EMC1: variants seen among roughly 807,000 people sequenced by gnomAD.
The protein encoded by EMC1 is KIAA0090.
Under a neutral mutation model 128.8 loss-of-function variants are expected in EMC1, and 103 were observed. The ratio of observed to expected loss-of-function variants is 0.80; its 90% CI spans 0.68 to 0.94. The LOEUF (loss-of-function observed/expected upper bound fraction) is 0.94. EMC1 is among the 40% of genes least tolerant of loss of function. The pLI is 0.00. For synonymous variants in EMC1, 442 were observed against 490.4 expected, an observed-to-expected ratio of 0.90 and a Z score of 1.30; for missense variants, 1,083 against 1,250.6, an observed-to-expected ratio of 0.87 and a Z score of 2.02.
chr1:19,229,604 G>A (rs1417578199), intron 17 of EMC1, among the ~76,000 whole-genome samples: 3 of 152,170 alleles, frequency 2.0e-5, no homozygotes. Flanking sequence ...TCAGAAGGAT[G>A]ATTTTATTTA....
intron 1 of EMC1, 75 bp downstream of exon 1, chr1:19,251,340 C>CGGT: frequency 7.3e-7 from 1 of 1,363,204 alleles, no homozygotes; most frequent in Non-Finnish European, 1.0e-6. Context: ...TGTTAAGTGA[C>CGGT]AACCTTTAGC....
In EMC1 at chr1:19,226,468, A is replaced by T. The variant is rs548792689; in HGVS notation, c.2202+845T>A. On this transcript the variant is annotated intron_variant, in intron 18 of 22. Coordinates refer to ENST00000477853, the MANE Select transcript of EMC1 (RefSeq NM_015047.3). ...CCTGTCAATATAAAAATAAAAAATTAAAAAAAAATTTTTTTTTGAAGACAG... is the reference window on the plus strand; with the variant it reads ...CCTGTCAATATAAAAATAAAAAATTTAAAAAAAATTTTTTTTTGAAGACAG... 3.3e-3 allele frequency among the ~76,000 whole-genome samples: 507 copies of T among 151,864 alleles called. 3 individuals carry two copies. The highest frequency in any genetic ancestry group is 0.013 in the South Asian group (63 of 4,808).
chr1:19,235,319 G>A, intron 12 of EMC1, 67 bp from the exon 13 acceptor site: 3 of 1,534,492 alleles, frequency 2.0e-6, no homozygotes, highest in Non-Finnish European at 2.6e-6. Flanking sequence ...TGTAATCCCA[G>A]CACTTTGGGA....
intron 13 of EMC1, among the ~76,000 whole-genome samples, chr1:19,234,762 C>G (rs1000123402): frequency 1.3e-5 from 2 of 152,068 alleles, no homozygotes; most frequent in African/African-American, 4.8e-5. Flanking sequence ...AGGAGAGCTG[C>G]TTGAACCTGG....
Position 19,239,849 on chromosome 1 carries a change from C to G in EMC1, c.923G>C (p.Gly308Ala). ...SHYALLQYHY[G>A]TLSLLKNFPQ... Reference sequence around the variant, plus strand: ...GAAGTTTTTAAGCAAACTCAGCGTTCCATAATGGTACTGCAGCAGAGCATA... The same window carrying G: ...GAAGTTTTTAAGCAAACTCAGCGTTGCATAATGGTACTGCAGCAGAGCATA... Residue 308 changes from glycine to alanine, a missense_variant, in exon 8 of 23, where the codon GGA becomes GCA. Transcript: ENST00000477853. 1 of 1,613,876 alleles carries G rather than the reference C, an allele frequency of 6.2e-7. No individual in the cohort carries two copies. Among genetic ancestry groups the G allele is most frequent in the Non-Finnish European group, 8.5e-7 (1 of 1,179,958 alleles).
At chr1:19,240,938 C>T in intron 6 of EMC1, 78 bp downstream of exon 6, 1 of 1,535,928 alleles carries the variant, frequency 6.5e-7, no homozygotes, top group South Asian at 1.2e-5. Context: ...GCCAAGTTCC[C>T]TGTTCCCCAG....
chr1:19,227,442 G>A lies in EMC1; in HGVS notation c.2073C>T (p.Thr691=). 6.2e-7 allele frequency: 1 copy of A among 1,614,186 alleles called. No individual in the cohort carries two copies. The highest frequency in any genetic ancestry group is 8.5e-7 in the Non-Finnish European group (1 of 1,180,032). The change falls in exon 18 of 23, where the codon ACC becomes ACT. Residue 691 remains threonine (T), a synonymous_variant. Coordinates refer to ENST00000477853, the MANE Select transcript of EMC1 (RefSeq NM_015047.3). ...LCGYRLRKDL[T]TELSWELTIP... ...TGGTCAGCTCCCAACTCAGCTCAGT[G>A]GTGAGATCCTAGGGCAGGGGCAAAA...
chr1:19,243,039 C>T (rs2093615322), intron 4 of EMC1, among the ~76,000 whole-genome samples: 1 of 152,126 alleles, frequency 6.6e-6, no homozygotes. Context: ...AGTTCGAGAC[C>T]AGCCTGGCCA....
At chr1:19,225,306 C>T (rs2093464223) in intron 18 of EMC1, among the ~76,000 whole-genome samples, 1 of 152,010 alleles carries the variant, frequency 6.6e-6, no homozygotes, top group African/African-American at 2.4e-5. Context: ...TGCTTGAGCC[C>T]AGGAGTTTAA....
chr1:19,250,361 C>G (rs1489709120), intron 1 of EMC1, among the ~76,000 whole-genome samples: 1 of 151,230 alleles, frequency 6.6e-6, no homozygotes, highest in East Asian at 2.0e-4. Flanking sequence ...TTCATTCATT[C>G]ATGAAAATAA....
At chr1:19,227,507 C>G (rs2093484634) in intron 17 of EMC1, 57 bp from the exon 18 acceptor site, 1 of 1,601,930 alleles carries the variant, frequency 6.2e-7, no homozygotes, top group Non-Finnish European at 8.5e-7. Flanking sequence ...ACTGAAACAG[C>G]TGGAGTTAGA....
chr1:19,243,094 G>A lies in EMC1; in HGVS notation c.380+520C>T, dbSNP rs548634492. ...CTACTAATAATACAAAAATTAGCCAGGCGTGGTTCACATGCCTATAATCCC... is the reference window on the plus strand; with the variant it reads ...CTACTAATAATACAAAAATTAGCCAAGCGTGGTTCACATGCCTATAATCCC... On this transcript the variant is annotated intron_variant, in intron 4 of 22. Transcript: ENST00000477853. 3.3e-5 allele frequency among the ~76,000 whole-genome samples: 5 copies of A among 152,234 alleles called. No homozygotes were observed. The South Asian group carries it at 1.0e-3, about 32-fold the overall frequency.
Position 19,241,107 on chromosome 1 carries a change from C to T in EMC1, c.545G>A (p.Gly182Asp). Reference protein sequence around the residue: ...SIHYQMVYSYGSGVVWALGVV... With the variant: ...SIHYQMVYSYDSGVVWALGVV... The stretch of plus-strand genomic sequence containing the variant: ...TCCGAGGGCCCACACCACCCCAGAG[C>T]CGTAAGAATACACCATCTGGTAGTG... The change falls in exon 6 of 23, where the codon GGC becomes GAC. Residue 182 changes from glycine to aspartate, a missense_variant. This residue lies in a region of EMC1 where 544 missense variants were observed against 572.4 expected (regional missense o/e 0.95). Coordinates refer to ENST00000477853, the MANE Select transcript of EMC1 (RefSeq NM_015047.3). 1 of 1,614,176 alleles carries T rather than the reference C, an allele frequency of 6.2e-7. No homozygotes were observed. The highest frequency in any genetic ancestry group is 1.1e-5 in the South Asian group (1 of 91,084).
In EMC1 at chr1:19,223,363, A is replaced by G. The variant is rs2093446586; in HGVS notation, c.2376+33T>C. ...ACTCAGGAGGCAGGGAGACCTCTGG[A>G]GCTACCTTGGGTCCCTGGTAGTGAC... On this transcript the variant is annotated intron_variant, in intron 19 of 22. Transcript: ENST00000477853. 1.9e-6 allele frequency: 3 copies of G among 1,593,056 alleles called. No individual in the cohort carries two copies. The East Asian group carries it at 6.7e-5, about 36-fold the overall frequency.
chr1:19,240,072 C>A, intron 7 of EMC1, 87 bp from the exon 8 acceptor site: 1 of 1,403,082 alleles, frequency 7.1e-7, no homozygotes, highest in South Asian at 1.4e-5. Flanking sequence ...CCTACTTTGC[C>A]GGGGGAAGTA....
chr1:19,246,317 G>C (rs553852064), intron 1 of EMC1, among the ~76,000 whole-genome samples: 1 of 152,206 alleles, frequency 6.6e-6, no homozygotes, highest in Admixed American at 6.5e-5. Flanking sequence ...TTGAACTCAG[G>C]AAGCAGAGGT....
At chr1:19,222,583 C>G in intron 20 of EMC1, 41 bp downstream of exon 20, 1 of 1,587,170 alleles carries the variant, frequency 6.3e-7, no homozygotes, top group East Asian at 2.2e-5. Flanking sequence ...TGTGGTTGCC[C>G]AAGGGAACCC....
intron 1 of EMC1, among the ~76,000 whole-genome samples, chr1:19,245,334 G>A (rs1205362467): frequency 3.3e-5 from 5 of 152,120 alleles, no homozygotes; most frequent in African/African-American, 9.6e-5. Flanking sequence ...CCAGCTACTC[G>A]GGAGGCTGAG....
At chr1:19,242,569 A>C in intron 4 of EMC1, 96 bp from the exon 5 acceptor site, 1 of 1,368,898 alleles carries the variant, frequency 7.3e-7, no homozygotes, top group Non-Finnish European at 1.0e-6. Flanking sequence ...TTAGTGGGTA[A>C]GAAAACAGGC....
Sources: allele counts gnomAD v4.1 joint callset (sites outside exome capture counted in the v4.1 genomes callset), GRCh38; gene constraint gnomAD v4.1.1; regional missense constraint gnomAD v4.1.1; transcripts MANE v1.5; gene names NCBI Gene and HGNC (gene_info 2026-07-23, HGNC 2026-07-21).